Variants in SCAPER observed in about 807,000 individuals in gnomAD.
The protein encoded by SCAPER is S-phase cyclin A associated protein in the ER.
SCAPER carries 98 observed loss-of-function variants against 182.2 expected under a neutral mutation model. The ratio of observed to expected loss-of-function variants is 0.54; its 90% CI spans 0.46 to 0.64. The LOEUF is 0.64. Among genes scored for constraint, SCAPER ranks in the 30% least tolerant of loss-of-function variants. SCAPER has a pLI of 0.00. For missense variants in SCAPER, 1,432 were observed against 1,690.0 expected (o/e 0.85, Z 2.68); for synonymous variants, 605 against 564.6 (o/e 1.07, Z -1.01).
At chr15:76,806,298 C>A (rs1202403754) in intron 5 of SCAPER, among the ~76,000 whole-genome samples, 1 of 152,164 alleles carries the variant, frequency 6.6e-6, no homozygotes, top group Non-Finnish European at 1.5e-5. Flanking sequence ...AAATACTATT[C>A]TTTCCCTCAT....
intron 27 of SCAPER, among the ~76,000 whole-genome samples, chr15:76,403,066 T>C (rs552513095): frequency 2.4e-4 from 37 of 152,062 alleles, no homozygotes; most frequent in African/African-American, 8.9e-4. Flanking sequence ...TGCTGGCAGG[T>C]TTGTAATGTA....
intron 23 of SCAPER, among the ~76,000 whole-genome samples, chr15:76,531,788 T>A (rs1597231356): frequency 6.6e-6 from 1 of 152,190 alleles, no homozygotes; most frequent in South Asian, 2.1e-4. Flanking sequence ...GAGCATCCTA[T>A]GGAGAGTTAG....
chr15:76,618,788 C>T (rs1421381302), intron 22 of SCAPER, among the ~76,000 whole-genome samples: 3 of 152,086 alleles, frequency 2.0e-5, no homozygotes, highest in African/African-American at 7.2e-5. Context: ...CTGTTTTAAG[C>T]AATGTTTACA....
At position 76,560,385 on chromosome 15, in the gene SCAPER, G is replaced by A. The variant is rs73455153; in HGVS notation, c.2838+13773C>T. ...AACTAGAAAGCCTGTGCTCTTAACA[G>A]GTGCATTATATTGTTTCAACACTTG... On this transcript the variant is annotated intron_variant, in intron 23 of 31. Coordinates refer to ENST00000563290, the MANE Select transcript of SCAPER (RefSeq NM_020843.4). Among the ~76,000 whole-genome samples the A allele has an allele frequency of 4.4e-3, 666 of 152,288 alleles. 6 individuals are homozygous for A. The highest frequency in any genetic ancestry group is 0.015 in the African/African-American group (634 of 41,566).
chr15:76,815,547 G>A (rs749071275), intron 5 of SCAPER, among the ~76,000 whole-genome samples: 5 of 152,126 alleles, frequency 3.3e-5, no homozygotes, highest in Admixed American at 6.5e-5. Flanking sequence ...ACACACCTAC[G>A]TTATATGGCA....
chr15:76,632,079 G>T (rs1271230729), intron 21 of SCAPER, among the ~76,000 whole-genome samples: 1 of 151,960 alleles, frequency 6.6e-6, no homozygotes, highest in Non-Finnish European at 1.5e-5. Flanking sequence ...TCTATTTGGC[G>T]ACTGATACTT....
intron 17 of SCAPER, among the ~76,000 whole-genome samples, chr15:76,711,194 T>A (rs992235577): frequency 1.3e-5 from 2 of 152,196 alleles, no homozygotes; most frequent in African/African-American, 4.8e-5. Context: ...GAAAATTTGA[T>A]ATACTGGACA....
intron 17 of SCAPER, among the ~76,000 whole-genome samples, chr15:76,723,775 T>C (rs1439858067): frequency 6.6e-6 from 1 of 152,200 alleles, no homozygotes; most frequent in Non-Finnish European, 1.5e-5. Context: ...TCCATTTGCC[T>C]GGTAGATCTT....
At chr15:76,605,003 T>C (rs1567573150) in intron 22 of SCAPER, among the ~76,000 whole-genome samples, 2 of 152,102 alleles carry the variant, frequency 1.3e-5, no homozygotes, top group Non-Finnish European at 2.9e-5. Flanking sequence ...CTTTTCCTAA[T>C]TGAATACCAT....
chr15:76,438,639 G>A, intron 25 of SCAPER, among the ~76,000 whole-genome samples: 1 of 152,102 alleles, frequency 6.6e-6, no homozygotes, highest in South Asian at 2.1e-4. Flanking sequence ...CCTGCACTAG[G>A]CAAATCTCCC....
chr15:76,497,509 C>G (rs2040672009), intron 24 of SCAPER, among the ~76,000 whole-genome samples: 1 of 151,738 alleles, frequency 6.6e-6, no homozygotes, highest in Non-Finnish European at 1.5e-5. Context: ...AAGAAGGACA[C>G]AACAAATAGG....
chr15:76,795,041 C>T (rs1334382995), intron 8 of SCAPER, among the ~76,000 whole-genome samples: 2 of 152,102 alleles, frequency 1.3e-5, no homozygotes, highest in African/African-American at 4.8e-5. Flanking sequence ...AAACAAAAGA[C>T]CTCATTCTCT....
At chr15:76,590,988 C>T (rs1567542853) in intron 22 of SCAPER, among the ~76,000 whole-genome samples, 2 of 152,112 alleles carry the variant, frequency 1.3e-5, no homozygotes. Context: ...ATAATGTGTA[C>T]ACATGGACAT....
chr15:76,435,265 GTTA>G (rs956450290), intron 25 of SCAPER, among the ~76,000 whole-genome samples: 10 of 152,128 alleles, frequency 6.6e-5, no homozygotes, highest in African/African-American at 2.2e-4. Flanking sequence ...CATAGTAATA[GTTA>G]TTGTTTTTTC....
chr15:76,518,236 T>C (rs1355773732), intron 23 of SCAPER, among the ~76,000 whole-genome samples: 1 of 152,204 alleles, frequency 6.6e-6, no homozygotes, highest in Non-Finnish European at 1.5e-5. Flanking sequence ...AGCCAGGGCA[T>C]CTTTCAAAAC....
rs988858415 is a variant in SCAPER at position 76,531,289 on chromosome 15, T to C, written c.2839-26315A>G. 2.6e-5 allele frequency among the ~76,000 whole-genome samples: 4 copies of C among 152,284 alleles called. No individual in the cohort carries two copies. In the East Asian group the frequency reaches 5.8e-4, roughly 22 times the overall value. On this transcript the variant is annotated intron_variant, in intron 23 of 31. Transcript: ENST00000563290. ...GAAAATCAAACCACTTGGGAACAGA[T>C]GCTTGTTTTCTTTATCAGTCTGGAA... is the stretch of plus-strand genomic sequence containing the variant.
intron 29 of SCAPER, among the ~76,000 whole-genome samples, chr15:76,375,266 G>A (rs1596341609): frequency 7.0e-6 from 1 of 142,438 alleles, no homozygotes; most frequent in African/African-American, 2.6e-5. Context: ...TGAAATCTAT[G>A]AAATCTTTTT....
At chr15:76,558,390 T>C (rs1278293121) in intron 23 of SCAPER, among the ~76,000 whole-genome samples, 1 of 151,968 alleles carries the variant, frequency 6.6e-6, no homozygotes, top group Non-Finnish European at 1.5e-5. Context: ...ATGTGAAAAA[T>C]GCTCAACACC....
chr15:76,576,333 C>T (rs528078168), intron 22 of SCAPER, among the ~76,000 whole-genome samples: 2 of 152,150 alleles, frequency 1.3e-5, no homozygotes, highest in East Asian at 1.9e-4. Context: ...CGCTTCAGCC[C>T]GGGCAACAGA....
Sources: allele counts gnomAD v4.1 joint callset (sites outside exome capture counted in the v4.1 genomes callset), GRCh38; gene constraint gnomAD v4.1.1; transcripts MANE v1.5; gene names NCBI Gene and HGNC (gene_info 2026-07-23, HGNC 2026-07-21).